TMPRSS13: variants seen among roughly 807,000 people sequenced by gnomAD.
TMPRSS13 encodes transmembrane serine protease 13, also known as transmembrane protease serine 13.
Under a neutral mutation model 68.4 loss-of-function variants are expected in TMPRSS13, and 50 were observed. The ratio of observed to expected loss-of-function variants is 0.73; its 90% CI spans 0.58 to 0.93. TMPRSS13 has a LOEUF of 0.93. TMPRSS13 is among the 40% of genes least tolerant of loss of function. The probability of loss-of-function intolerance (pLI) is 0.00; values close to 1 mark genes in which losing one functional copy is unlikely to be tolerated. For synonymous variants in TMPRSS13, 267 were observed against 285.8 expected, an observed-to-expected ratio of 0.93 and a Z score of 0.66; for missense variants, 615 against 729.2, an observed-to-expected ratio of 0.84 and a Z score of 1.80.
At chr11:117,918,364 G>A in intron 2 of TMPRSS13, 45 bp downstream of exon 2, 1 of 1,594,588 alleles carries the variant, frequency 6.3e-7, no homozygotes, top group Non-Finnish European at 8.6e-7. Context: ...CCTGCCCATG[G>A]GCTGCTTCCC....
intron 5 of TMPRSS13, among the ~76,000 whole-genome samples, chr11:117,912,913 A>G (rs2057537649): frequency 6.6e-6 from 1 of 152,212 alleles, no homozygotes; most frequent in Non-Finnish European, 1.5e-5. Flanking sequence ...AAGGAGGTTC[A>G]GGCTTGCATA....
rs1361902576 is a variant in TMPRSS13, at chr11:117,915,216, CCTCT to C, written c.557-706_557-703del. On this transcript the variant is annotated intron_variant, in intron 3 of 12. Transcript: ENST00000524993. The surrounding 1 kb of genome is among the most constrained non-coding windows in gnomAD (Gnocchi z 4.9). ...TGCAAATCTGCTTCACGACTTCCTC[CCTCT>C]CTAACAGCAATCTCTTTCCAAACCA... 2.0e-5 allele frequency among the ~76,000 whole-genome samples: 3 copies of C among 152,338 alleles called. No individual in the cohort carries two copies. The highest frequency in any genetic ancestry group is 2.9e-5 in the Non-Finnish European group (2 of 68,028).
Position 117,914,590 on chromosome 11 carries a change from G to T in TMPRSS13, c.557-76C>A. 6.3e-7 allele frequency: 1 copy of T among 1,588,920 alleles called. No individual in the cohort carries two copies. The highest frequency in any genetic ancestry group is 1.1e-5 in the South Asian group (1 of 88,644). ...AGACACTGAGCAGCCCAAGGACCTG[G>T]GGGTTCTGAGACACCGACCTGCAAT... On this transcript the variant is annotated intron_variant, in intron 3 of 12. Coordinates refer to ENST00000524993, the MANE Select transcript of TMPRSS13 (RefSeq NM_001077263.3). This position sits in a 1 kb window ranked among gnomAD's most constrained non-coding sequence, Gnocchi z 4.2.
rs993110205 is a variant in TMPRSS13 at position 117,923,152 on chromosome 11, C to A, written c.22-4314G>T. On this transcript the variant is annotated intron_variant, in intron 1 of 12. Transcript: ENST00000524993. ...CTTTACAGACTGAGAGGTAGAGGCC[C>A]AAAACATTTGTGTGCTTTGCCCAAA... Among the ~76,000 whole-genome samples, 4 of 152,254 alleles carry A rather than the reference C, an allele frequency of 2.6e-5. No homozygotes were observed. The South Asian group carries it at 8.3e-4, about 32-fold the overall frequency.
At chr11:117,918,199 C>G (rs2057597906) in intron 2 of TMPRSS13, among the ~76,000 whole-genome samples, 1 of 152,122 alleles carries the variant, frequency 6.6e-6, no homozygotes, top group East Asian at 1.9e-4. Flanking sequence ...TATCACCTAC[C>G]CCCTTTGCCC....
At chr11:117,908,483 G>T in intron 9 of TMPRSS13, 129 bp downstream of exon 9, 4 of 958,368 alleles carry the variant, frequency 4.2e-6, no homozygotes, top group Non-Finnish European at 6.4e-6. Flanking sequence ...GGATCTTTAA[G>T]AGTCTTTGAC....
At chr11:117,924,530 A>C (rs2057683144) in intron 1 of TMPRSS13, among the ~76,000 whole-genome samples, 1 of 151,738 alleles carries the variant, frequency 6.6e-6, no homozygotes, top group African/African-American at 2.4e-5. Flanking sequence ...AGGAAGAAAA[A>C]CCCCTCACTA....
At position 117,914,394 on chromosome 11, in the gene TMPRSS13, C is replaced by T. The variant is rs1158925293; in HGVS notation, c.677G>A (p.Cys226Tyr). ...TCCCCCGCACCCAGCCTCCTTACCG[C>T]AGCCCAGCTCGTCACTCTTCAGCTT... ...DCKLKSDELGCVRFDWDKSLL... is the reference protein window; with the variant it reads ...DCKLKSDELGYVRFDWDKSLL... Residue 226 changes from cysteine (C) to tyrosine (Y), a missense_variant and splice_region_variant, in exon 4 of 13, where the codon TGC becomes TAC. Transcript: ENST00000524993. The surrounding 1 kb of genome is among the most constrained non-coding windows in gnomAD (Gnocchi z 4.2). The T allele has an allele frequency of 1.9e-6, 3 of 1,613,752 alleles. No individual in the cohort carries two copies. The highest frequency in any genetic ancestry group is 1.7e-5 in the Admixed American group (1 of 60,008).
chr11:117,918,561 G>C lies in TMPRSS13; in HGVS notation c.299C>G (p.Ser100Ter). The C allele has an allele frequency of 1.2e-6, 2 of 1,614,254 alleles. No individual in the cohort carries two copies. The highest frequency in any genetic ancestry group is 1.6e-4 in the Middle Eastern group (1 of 6,062). ...CCTGGCGGATGATGACCTGCCGGAT[G>C]AGGACCTGGAAAGTGATGCCAGAGC... ...SPALASLSRSSSGRSSSARSA... is the reference protein window; with the variant it reads ...SPALASLSRS The change falls in exon 2 of 13, where the codon TCA (serine) becomes TGA (stop). Residue 100 changes from serine (S) to a stop codon, truncating the protein, a stop_gained. Coordinates refer to ENST00000524993, the MANE Select transcript of TMPRSS13 (RefSeq NM_001077263.3). LOFTEE classifies it high-confidence loss of function.
chr11:117,913,010 G>A (rs974993470), intron 5 of TMPRSS13, among the ~76,000 whole-genome samples: 1 of 152,140 alleles, frequency 6.6e-6, no homozygotes, highest in African/African-American at 2.4e-5. Flanking sequence ...GGCTGAGGTG[G>A]GGTGGAGAAC....
intron 5 of TMPRSS13, among the ~76,000 whole-genome samples, chr11:117,912,083 C>A (rs2057528905): frequency 6.6e-6 from 1 of 152,166 alleles, no homozygotes; most frequent in African/African-American, 2.4e-5. Flanking sequence ...TCCAAGATCC[C>A]CAGCCCTATG....
chr11:117,902,071 TGC>T lies in TMPRSS13; in HGVS notation c.*166_*167del. 1 of 693,840 alleles carries T rather than the reference TGC, an allele frequency of 1.4e-6. No individual in the cohort carries two copies. 43.0% of individuals were successfully genotyped at this position (693,840 alleles called of 1,614,324 possible). A position where few individuals can be genotyped will look rare whatever the true frequency, so the allele number is the denominator to read the frequency against. On this transcript the variant is annotated 3_prime_UTR_variant, in exon 13 of 13. Coordinates refer to ENST00000524993, the MANE Select transcript of TMPRSS13 (RefSeq NM_001077263.3). ...TTGGGAGAGTGGCAATGCACACATATGCACACACACACACACACACACACACA... is the reference window on the plus strand; with the variant it reads ...TTGGGAGAGTGGCAATGCACACATATACACACACACACACACACACACACA...
At chr11:117,903,237 A>G (rs1027951902) in intron 12 of TMPRSS13, 1 of 1,325,022 alleles carries the variant, frequency 7.5e-7, no homozygotes, top group African/African-American at 1.5e-5. Flanking sequence ...AAGAAAATCA[A>G]AAAGACTAAA....
rs938246837 is a variant in TMPRSS13, at chr11:117,914,845, A to G, written c.557-331T>C. Among the ~76,000 whole-genome samples, 9 of 152,156 alleles carry G rather than the reference A, an allele frequency of 5.9e-5. No individual in the cohort carries two copies. The highest frequency in any genetic ancestry group is 1.7e-4 in the African/African-American group (7 of 41,432). On this transcript the variant is annotated intron_variant, in intron 3 of 12. Coordinates refer to ENST00000524993, the MANE Select transcript of TMPRSS13 (RefSeq NM_001077263.3). The surrounding 1 kb of genome is among the most constrained non-coding windows in gnomAD (Gnocchi z 4.2). ...ACATGCTGGCCAACATAGTGGCCAG[A>G]GAAACCACCTCCTCCAGTATCCCAG...
chr11:117,924,811 T>C (rs1369776441), intron 1 of TMPRSS13, among the ~76,000 whole-genome samples: 1 of 152,062 alleles, frequency 6.6e-6, no homozygotes, highest in Non-Finnish European at 1.5e-5. Context: ...ATACAGGCTC[T>C]CCTCAGCACA....
At position 117,909,801 on chromosome 11, in the gene TMPRSS13, C is replaced by T. The variant is rs779928067; in HGVS notation, c.1109+5G>A. 3.7e-6 allele frequency: 6 copies of T among 1,607,770 alleles called. No homozygotes were observed. In the Admixed American group the frequency reaches 6.7e-5, roughly 18 times the overall value. Reference sequence around the variant, plus strand: ...TGTCAAATCACCTGCCTCTCAGGCACTTACACGAAGAAGCAGTGGGCGGCA... The same window carrying T: ...TGTCAAATCACCTGCCTCTCAGGCATTTACACGAAGAAGCAGTGGGCGGCA... On this transcript the variant is annotated splice_donor_5th_base_variant and intron_variant, in intron 8 of 12. Coordinates refer to ENST00000524993, the MANE Select transcript of TMPRSS13 (RefSeq NM_001077263.3).
chr11:117,907,293 A>C (rs560356469), intron 9 of TMPRSS13, among the ~76,000 whole-genome samples: 1 of 152,048 alleles, frequency 6.6e-6, no homozygotes, highest in East Asian at 1.9e-4. Context: ...ACAAGGATGG[A>C]GTTTCAGAAA....
In TMPRSS13 at chr11:117,918,536, C is replaced by G. The variant is rs1157754359; in HGVS notation, c.324G>C (p.Arg108Ser). ...RSSSGRSSSA[R>S]SASVTTSPTR... ...TTGGGGAGGTTGTCACCGAGGCTGA[C>G]CTGGCGGATGATGACCTGCCGGATG... Residue 108 changes from arginine to serine, a missense_variant, in exon 2 of 13, where the codon AGG becomes AGC. Arg to Ser is a moderately radical substitution (Grantham distance 110, BLOSUM62 -1). Transcript: ENST00000524993. 6.2e-7 allele frequency: 1 copy of G among 1,614,178 alleles called. No individual in the cohort carries two copies.
chr11:117,902,475 G>A (rs79449200), intron 12 of TMPRSS13, among the ~76,000 whole-genome samples: 2,903 of 152,308 alleles, frequency 0.019, 79 homozygotes, highest in African/African-American at 0.063. Context: ...CCCCCTATCT[G>A]AGCCCTCCCC....
Sources: allele counts gnomAD v4.1 joint callset (sites outside exome capture counted in the v4.1 genomes callset), GRCh38; gene constraint gnomAD v4.1.1; non-coding constraint Gnocchi (gnomAD v3.1); transcripts MANE v1.5; gene names NCBI Gene and HGNC (gene_info 2026-07-23, HGNC 2026-07-21).